TEX14: variants seen among roughly 807,000 people sequenced by gnomAD.
TEX14 encodes the protein testis expressed 14, intercellular bridge forming factor.
Under a neutral mutation model 178.6 loss-of-function variants are expected in TEX14, and 168 were observed. The observed-to-expected ratio is 0.94, with a 90% CI of 0.83 to 1.07. The LOEUF (loss-of-function observed/expected upper bound fraction) is 1.07. TEX14 is among the 50% of genes least tolerant of loss of function. TEX14 has a pLI of 0.00. For missense variants in TEX14, 1,730 were observed against 1,753.6 expected, an observed-to-expected ratio of 0.99 and a Z score of 0.24; for synonymous variants, 626 against 634.1, an observed-to-expected ratio of 0.99 and a Z score of 0.19.
chr17:58,582,201 A>G (rs929032805), intron 19 of TEX14, among the ~76,000 whole-genome samples: 1 of 152,208 alleles, frequency 6.6e-6, no homozygotes, highest in African/African-American at 2.4e-5. Flanking sequence ...AAGCATTTTA[A>G]AAACAGCAAT....
intron 15 of TEX14, among the ~76,000 whole-genome samples, chr17:58,590,479 A>G (rs921690378): frequency 3.9e-5 from 6 of 152,178 alleles, no homozygotes; most frequent in Non-Finnish European, 8.8e-5. Flanking sequence ...CCTATTCATA[A>G]CAGAATAAAG....
At chr17:58,651,176 C>T (rs1040898388) in intron 2 of TEX14, among the ~76,000 whole-genome samples, 1 of 152,164 alleles carries the variant, frequency 6.6e-6, no homozygotes, top group Non-Finnish European at 1.5e-5. Flanking sequence ...ATTTGGGAAG[C>T]TGAGGCAGGA....
chr17:58,658,463 C>T (rs2047015927), intron 1 of TEX14, among the ~76,000 whole-genome samples: 1 of 140,148 alleles, frequency 7.1e-6, no homozygotes, highest in South Asian at 2.4e-4. Context: ...GATCTCGGCT[C>T]ACTGCAACCT....
Position 58,661,491 on chromosome 17 carries a change from A to G in TEX14, c.-1-9489T>C, listed in dbSNP as rs561174463. Reference sequence around the variant, plus strand: ...AACACCTTTTCCTGGACTATTCGGGAACCGGTGGGTTCAGTCGCTCCTTCG... The same window carrying G: ...AACACCTTTTCCTGGACTATTCGGGGACCGGTGGGTTCAGTCGCTCCTTCG... On this transcript the variant is annotated intron_variant, in intron 1 of 31. Coordinates refer to ENST00000349033, the MANE Select transcript of TEX14 (RefSeq NM_031272.5). 3.5e-4 allele frequency: 275 copies of G among 781,268 alleles called. 5 individuals carry two copies. The South Asian group carries it at 3.6e-3, about 10-fold the overall frequency. 48.4% of individuals were successfully genotyped at this position (781,268 alleles called of 1,614,324 possible).
chr17:58,647,020 C>T (rs918011370), intron 2 of TEX14, among the ~76,000 whole-genome samples: 2 of 151,880 alleles, frequency 1.3e-5, no homozygotes, highest in African/African-American at 2.4e-5. Flanking sequence ...ATTCTCCTGC[C>T]TCAGCCTCCC....
chr17:58,660,731 G>A (rs376798465), intron 1 of TEX14: 128 of 781,312 alleles, frequency 1.6e-4, no homozygotes, highest in Non-Finnish European at 2.6e-4. Flanking sequence ...TTCTGGTGTT[G>A]CCTTGGCTAT....
chr17:58,617,516 G>A, intron 6 of TEX14, 22 bp downstream of exon 6: 1 of 1,589,502 alleles, frequency 6.3e-7, no homozygotes, highest in Non-Finnish European at 8.6e-7. Flanking sequence ...GCAAACACTG[G>A]CTGTCAGTGG....
At chr17:58,563,001 A>G (rs1335810917) in intron 28 of TEX14, among the ~76,000 whole-genome samples, 3 of 151,752 alleles carry the variant, frequency 2.0e-5, no homozygotes, top group Non-Finnish European at 4.4e-5. Context: ...AGCCCAGGAG[A>G]TCAAGGCTGC....
intron 1 of TEX14, among the ~76,000 whole-genome samples, chr17:58,657,140 A>G (rs1019194660): frequency 6.6e-6 from 1 of 151,322 alleles, no homozygotes; most frequent in Middle Eastern, 3.2e-3. Context: ...ATTTATTATT[A>G]TTTTTAAAAA....
chr17:58,581,620 T>C (rs1567717705), intron 19 of TEX14: 1 of 1,613,768 alleles, frequency 6.2e-7, no homozygotes, highest in South Asian at 1.1e-5. Flanking sequence ...CCTCTAGAGC[T>C]AAGTTTTCTT....
intron 1 of TEX14, among the ~76,000 whole-genome samples, chr17:58,691,269 C>T (rs541241941): frequency 5.9e-5 from 9 of 152,316 alleles, no homozygotes; most frequent in Admixed American, 5.2e-4. Context: ...TGCTAAAGTG[C>T]TCAACATACG....
intron 2 of TEX14, among the ~76,000 whole-genome samples, chr17:58,650,521 T>C (rs545058769): frequency 4.7e-4 from 72 of 152,310 alleles, no homozygotes; most frequent in Admixed American, 2.6e-4. Flanking sequence ...TGGAAAGGTT[T>C]GATAACTTAT....
At chr17:58,600,123 G>A (rs867418865) in intron 13 of TEX14, among the ~76,000 whole-genome samples, 5 of 152,066 alleles carry the variant, frequency 3.3e-5, no homozygotes, top group Admixed American at 3.3e-4. Flanking sequence ...GTGAGCCACC[G>A]TGCCCAGCTC....
intron 21 of TEX14, among the ~76,000 whole-genome samples, chr17:58,575,306 G>T (rs2044651360): frequency 6.6e-6 from 1 of 151,940 alleles, no homozygotes; most frequent in Non-Finnish European, 1.5e-5. Context: ...AGTAGAGACG[G>T]GGTTTCTCCA....
intron 10 of TEX14, among the ~76,000 whole-genome samples, chr17:58,609,647 T>G (rs2045699519): frequency 6.6e-6 from 1 of 152,164 alleles, no homozygotes; most frequent in Admixed American, 6.5e-5. Context: ...AAATTCAGAC[T>G]CCTCACCAGG....
chr17:58,588,188 C>T (rs1330078794), intron 15 of TEX14, among the ~76,000 whole-genome samples, 167 bp from the exon 16 acceptor site: 1 of 152,216 alleles, frequency 6.6e-6, no homozygotes. Context: ...TGCAGAGCCT[C>T]CCCTGCAAAT....
chr17:58,611,254 TG>T lies in TEX14; in HGVS notation c.1090del (p.Gln364ArgfsTer23). On this transcript the variant is annotated frameshift_variant, in exon 10 of 32. Transcript: ENST00000349033. LOFTEE classifies it high-confidence loss of function. ...ISDALRYLHFQGFIHRSLSSY... is the reference protein window; with the variant it reads ...ISDALRYLHFXGFIHRSLSSY... ...GCTGAGGGAGCGGTGGATAAACCCCTGGAAATGCAGGTATCTCAGGGCATCA... is the reference window on the plus strand; with the variant it reads ...GCTGAGGGAGCGGTGGATAAACCCCTGAAATGCAGGTATCTCAGGGCATCA... 1 of 1,613,502 alleles carries T rather than the reference TG, an allele frequency of 6.2e-7. No individual in the cohort carries two copies. Among genetic ancestry groups the T allele is most frequent in the South Asian group, 1.1e-5 (1 of 91,048 alleles).
Position 58,581,603 on chromosome 17 carries a change from T to C in TEX14, c.3172-1872A>G, listed in dbSNP as rs368127436. ...AAAAGGTACTTTACCCTGAACTGCGTTTTTTACCTCTAGAGCTAAGTTTTC... is the reference window on the plus strand; with the variant it reads ...AAAAGGTACTTTACCCTGAACTGCGCTTTTTACCTCTAGAGCTAAGTTTTC... On this transcript the variant is annotated intron_variant, in intron 19 of 31. Coordinates refer to ENST00000349033, the MANE Select transcript of TEX14 (RefSeq NM_031272.5). The C allele has an allele frequency of 1.5e-5, 24 of 1,612,992 alleles. No homozygotes were observed. The African/African-American group carries it at 3.1e-4, about 21-fold the overall frequency.
At chr17:58,622,176 G>A (rs1338172240) in intron 4 of TEX14, among the ~76,000 whole-genome samples, 12 of 152,216 alleles carry the variant, frequency 7.9e-5, no homozygotes, top group Admixed American at 7.9e-4. Context: ...GCTGGGTGCA[G>A]TGGCTCATGC....
Sources: gnomAD v4.1 joint callset for allele counts (sites outside exome capture counted in the v4.1 genomes callset) on GRCh38, gnomAD v4.1.1 for gene constraint, MANE v1.5 for transcripts, NCBI Gene and HGNC (gene_info 2026-07-23, HGNC 2026-07-21) for gene names.